Variants in WDR1 observed in about 807,000 individuals in gnomAD.
WDR1 encodes WD repeat domain 1.
A neutral mutation model predicts 71.9 loss-of-function variants in WDR1; 21 were observed. The observed-to-expected ratio is 0.29, with a 90% CI of 0.21 to 0.42. The LOEUF is 0.42. WDR1 is among the 10% of genes least tolerant of loss of function. The pLI is 1.00. For missense variants in WDR1, 696 were observed against 824.5 expected (o/e 0.84, Z 1.91); for synonymous variants, 424 against 347.4 (o/e 1.22, Z -2.45).
intron 2 of WDR1, among the ~76,000 whole-genome samples, chr4:10,113,793 C>G (rs1577082196): frequency 6.6e-6 from 1 of 152,198 alleles, no homozygotes; most frequent in Admixed American, 6.5e-5. Flanking sequence ...GGCGCAGTAG[C>G]GAAGCAGAGA....
At chr4:10,085,703 TGA>T (rs1046629563) in intron 8 of WDR1, among the ~76,000 whole-genome samples, 7 of 152,242 alleles carry the variant, frequency 4.6e-5, no homozygotes, top group African/African-American at 1.7e-4. Context: ...CCTGCTGCCC[TGA>T]GACTTCCCTG....
chr4:10,116,743 A>T lies in WDR1; in HGVS notation c.-77T>A. 1 of 1,267,572 alleles carries T rather than the reference A, an allele frequency of 7.9e-7. No individual in the cohort carries two copies. The highest frequency in any genetic ancestry group is 1.0e-6 in the Non-Finnish European group (1 of 1,003,846). 78.5% of individuals were successfully genotyped at this position (1,267,572 alleles called of 1,614,324 possible). A position where few individuals can be genotyped will look rare whatever the true frequency, so the allele number is the denominator to read the frequency against. The stretch of plus-strand genomic sequence containing the variant: ...CCGCGCTGCGAATTACACCTCGCCG[A>T]GGCCGAGCCCGGGGACTGGAGCCGG... On this transcript the variant is annotated 5_prime_UTR_variant, in exon 1 of 15. Transcript: ENST00000499869.
intron 13 of WDR1, 53 bp downstream of exon 13, chr4:10,077,700 T>A: frequency 6.7e-7 from 1 of 1,493,454 alleles, no homozygotes; most frequent in Non-Finnish European, 8.9e-7. Flanking sequence ...AACCTCCCAC[T>A]GCCACCTGCA....
At chr4:10,109,356 C>A (rs1000903578) in intron 2 of WDR1, among the ~76,000 whole-genome samples, 1 of 152,258 alleles carries the variant, frequency 6.6e-6, no homozygotes, top group African/African-American at 2.4e-5. Context: ...CACGTCACTG[C>A]AAATCAGGGA....
At chr4:10,106,691 AGGG>A (rs1713039272) in intron 2 of WDR1, 3 of 152,208 alleles carry the variant, frequency 2.0e-5, no homozygotes, top group Non-Finnish European at 4.4e-5. Context: ...AAAACCCCAA[AGGG>A]CAACAGAATC....
chr4:10,099,174 C>CAAGGGGGGGGGGGGGGGGGGGGGGGGG, intron 3 of WDR1, 35 bp from the exon 4 acceptor site: 1 of 109,374 alleles, frequency 9.1e-6, no homozygotes, highest in South Asian at 7.0e-5. Flanking sequence ...GGGGGGGAGG[C>CAAGGGGGGGGGGGGGGGGGGGGGGGGG]GGTGGTGGGG....
chr4:10,100,674 C>G (rs1375923730), intron 3 of WDR1, among the ~76,000 whole-genome samples: 6 of 152,138 alleles, frequency 3.9e-5, no homozygotes, highest in Non-Finnish European at 7.4e-5. Flanking sequence ...TGCACAAGGT[C>G]CAGGAAGACC....
At chr4:10,107,934 ACT>A (rs958529734) in intron 2 of WDR1, among the ~76,000 whole-genome samples, 4 of 151,638 alleles carry the variant, frequency 2.6e-5, no homozygotes, top group African/African-American at 9.7e-5. Context: ...AGGCCATTCT[ACT>A]CTGTCACACT....
At chr4:10,114,562 G>C (rs1354614778) in intron 2 of WDR1, among the ~76,000 whole-genome samples, 1 of 152,248 alleles carries the variant, frequency 6.6e-6, no homozygotes, top group Non-Finnish European at 1.5e-5. Context: ...GGCCTGGTTA[G>C]GGGCAAAACG....
At chr4:10,093,307 G>A (rs3822241) in intron 5 of WDR1, 72,171 of 200,750 alleles carry the variant, frequency 0.36, 14,062 homozygotes, top group Non-Finnish European at 0.42. Flanking sequence ...ACAGGCTCTC[G>A]GTCCCCTGTG....
At position 10,087,948 on chromosome 4, in the gene WDR1, G is replaced by A. The variant is rs1560533526; in HGVS notation, c.718-8C>T. ...GTCGGGACTCCAACTAATCTATTCA[G>A]AAAAAAGCAGTGTGTCATGTGCCAG... On this transcript the variant is annotated splice_region_variant and splice_polypyrimidine_tract_variant and intron_variant, in intron 7 of 14. Coordinates refer to ENST00000499869, the MANE Select transcript of WDR1 (RefSeq NM_017491.5). The A allele has an allele frequency of 6.5e-7, 1 of 1,545,870 alleles. No homozygotes were observed. Among genetic ancestry groups the A allele is most frequent in the Non-Finnish European group, 8.7e-7 (1 of 1,144,504 alleles).
chr4:10,105,709 C>A (rs1712973082), intron 2 of WDR1, among the ~76,000 whole-genome samples: 2 of 152,300 alleles, frequency 1.3e-5, no homozygotes, highest in South Asian at 4.1e-4. Context: ...AAGAGTTGGG[C>A]AGGTTATTTA....
chr4:10,088,335 G>A lies in WDR1; in HGVS notation c.675C>T (p.Cys225=), dbSNP rs769928142. 2.0e-5 allele frequency: 31 copies of A among 1,559,358 alleles called. No homozygotes were observed. In the East Asian group the frequency reaches 2.2e-4, roughly 11 times the overall value. ...CGTGGGCCTTGCTTCCGCCCAGCGCGCACACCTTCTCCCCAGTCTTCCCGT... is the reference window on the plus strand; with the variant it reads ...CGTGGGCCTTGCTTCCGCCCAGCGCACACACCTTCTCCCCAGTCTTCCCGT... ...IYDGKTGEKV[C]ALGGSKAHDG... is the part of the protein sequence containing the mutation. Residue 225 remains cysteine, a synonymous_variant, in exon 7 of 15, where the codon TGC becomes TGT. Transcript: ENST00000499869.
chr4:10,105,495 G>A (rs556379219), intron 2 of WDR1, among the ~76,000 whole-genome samples: 3 of 152,298 alleles, frequency 2.0e-5, no homozygotes, highest in African/African-American at 7.2e-5. Flanking sequence ...AAGATACTAC[G>A]AATGACAAGT....
chr4:10,113,392 G>A (rs1240182634), intron 2 of WDR1, among the ~76,000 whole-genome samples: 1 of 152,136 alleles, frequency 6.6e-6, no homozygotes, highest in Non-Finnish European at 1.5e-5. Context: ...AGAAGACAGG[G>A]AGCAAGACTT....
At chr4:10,099,177 T>TGGGG in intron 3 of WDR1, 38 bp from the exon 4 acceptor site, 1 of 374,344 alleles carries the variant, frequency 2.7e-6, no homozygotes. Flanking sequence ...GGGGAGGCGG[T>TGGGG]GGTGGGGTAA....
chr4:10,077,525 T>TC (rs1360044997), intron 13 of WDR1, 77 bp from the exon 14 acceptor site: 1 of 1,595,638 alleles, frequency 6.3e-7, no homozygotes, highest in Admixed American at 1.7e-5. Context: ...CGCTTATCCC[T>TC]CATGGCGACA....
chr4:10,086,862 T>C (rs1360304316), intron 8 of WDR1, among the ~76,000 whole-genome samples: 1 of 151,898 alleles, frequency 6.6e-6, no homozygotes, highest in Non-Finnish European at 1.5e-5. Flanking sequence ...TGACTTGGAG[T>C]TCCCAGCAGA....
chr4:10,102,844 G>A (rs1181494455), intron 3 of WDR1, among the ~76,000 whole-genome samples: 1 of 152,164 alleles, frequency 6.6e-6, no homozygotes, highest in East Asian at 1.9e-4. Flanking sequence ...TCACTCTCCA[G>A]AGAGGCTGAT....
Sources: gnomAD v4.1 joint callset for allele counts (sites outside exome capture counted in the v4.1 genomes callset) on GRCh38, gnomAD v4.1.1 for gene constraint, MANE v1.5 for transcripts, NCBI Gene and HGNC (gene_info 2026-07-23, HGNC 2026-07-21) for gene names.